The following AKT3 variants were observed in gnomAD, a reference collection of about 807,000 sequenced individuals.
The protein encoded by AKT3 is RAC-gamma serine/threonine-protein kinase.
In AKT3, 15 loss-of-function variants were observed where a neutral mutation model predicts 65.3. The observed-to-expected ratio is 0.23, with a 90% CI of 0.15 to 0.35. AKT3 has a LOEUF of 0.35. Ranked by LOEUF, AKT3 falls within the 10% of genes least tolerant of loss-of-function variation. AKT3 has a pLI of 1.00. For missense variants in AKT3, 243 were observed against 576.5 expected (o/e 0.42, Z 5.92); for synonymous variants, 206 against 183.8 (o/e 1.12, Z -0.98).
At chr1:243,637,508 T>A (rs538861367) in intron 6 of AKT3, 103 bp downstream of exon 6, 1 of 980,550 alleles carries the variant, frequency 1.0e-6, no homozygotes, top group East Asian at 2.8e-5. Flanking sequence ...ATATTTTGGT[T>A]GTTTAATGGA....
At chr1:243,680,234 C>T (rs1683820872) in intron 3 of AKT3, among the ~76,000 whole-genome samples, 1 of 152,082 alleles carries the variant, frequency 6.6e-6, no homozygotes, top group Admixed American at 6.6e-5. Flanking sequence ...TCCAAAAGGA[C>T]ACTGAGACTT....
chr1:243,500,466 G>C lies in AKT3; in HGVS notation c.*4783C>G, dbSNP rs1347652738. The C allele has an allele frequency of 4.4e-6, 1 of 225,964 alleles. No homozygotes were observed. The highest frequency in any genetic ancestry group is 6.4e-5 in the East Asian group (1 of 15,542). The allele number at this position is 225,964 out of a possible 1,614,324, so 14.0% of individuals were successfully genotyped here. Reference sequence around the variant, plus strand: ...CCTAAAAACGTACTTAGTGAAATTAGAAAATTTACTTAGAGTATATCAAAT... The same window carrying C: ...CCTAAAAACGTACTTAGTGAAATTACAAAATTTACTTAGAGTATATCAAAT... On this transcript the variant is annotated 3_prime_UTR_variant, in exon 14 of 14. Transcript: ENST00000673466.
At position 243,644,679 on chromosome 1, in the gene AKT3, TGA is replaced by T. The variant is rs886405736; in HGVS notation, c.429+1212_429+1213del. Among the ~76,000 whole-genome samples the T allele has an allele frequency of 3.4e-4, 52 of 152,134 alleles. 1 individual carries two copies. The highest frequency in any genetic ancestry group is 1.2e-3 in the African/African-American group (48 of 41,470). On this transcript the variant is annotated intron_variant, in intron 5 of 13. Transcript: ENST00000673466. ...TTCTCTTAGAATTTTTTACTCCAAC[TGA>T]GTCTCCAAAAAGAAAAATCCATAGA...
At chr1:243,686,651 ATTTTTTTTTTTTTTTT>A (rs143487611) in intron 3 of AKT3, among the ~76,000 whole-genome samples, 5 of 23,516 alleles carry the variant, frequency 2.1e-4, no homozygotes, top group Non-Finnish European at 3.0e-4. Context: ...ATATATATAT[ATTTTTTTTTTTTTTTT>A]TTTTTTTTTT....
chr1:243,715,398 C>T (rs538157881), intron 2 of AKT3, among the ~76,000 whole-genome samples: 9 of 152,094 alleles, frequency 5.9e-5, no homozygotes, highest in South Asian at 2.1e-4. Flanking sequence ...TTACAGTTTA[C>T]CAAATATTTT....
Position 243,582,993 on chromosome 1 carries a change from C to G in AKT3, c.697-9945G>C, listed in dbSNP as rs543604517. ...TCTGATAAAACAGACTTCAAACTAA[C>G]AGCAGTTAAAAAAAAAAAAGACAAA... On this transcript the variant is annotated intron_variant, in intron 8 of 13. Transcript: ENST00000673466. 1.6e-4 allele frequency among the ~76,000 whole-genome samples: 24 copies of G among 148,062 alleles called. No homozygotes were observed. In the South Asian group the frequency reaches 4.9e-3, roughly 30 times the overall value.
chr1:243,783,118 G>C (rs1353493166), intron 2 of AKT3, among the ~76,000 whole-genome samples: 1 of 152,098 alleles, frequency 6.6e-6, no homozygotes, highest in African/African-American at 2.4e-5. Context: ...TTTCTGGAGT[G>C]ACAAGAGTGT....
chr1:243,771,244 C>T (rs187397924), intron 2 of AKT3, among the ~76,000 whole-genome samples: 1 of 152,218 alleles, frequency 6.6e-6, no homozygotes, highest in African/African-American at 2.4e-5. Context: ...CCCACTCTTC[C>T]TACTACACAC....
intron 8 of AKT3, among the ~76,000 whole-genome samples, chr1:243,580,751 T>A (rs967962877): frequency 1.3e-5 from 2 of 152,180 alleles, no homozygotes; most frequent in African/African-American, 4.8e-5. Context: ...ACCCACTCTG[T>A]TCTCCTGAGA....
At chr1:243,600,358 T>TGCAAATTGGATAGC (rs1324114532) in intron 8 of AKT3, among the ~76,000 whole-genome samples, 2 of 152,054 alleles carry the variant, frequency 1.3e-5, no homozygotes, top group Non-Finnish European at 2.9e-5. Flanking sequence ...AAACCAAATT[T>TGCAAATTGGATAGC]AAAAAGAATA....
At chr1:243,565,595 T>C (rs1437731117) in intron 9 of AKT3, among the ~76,000 whole-genome samples, 1 of 152,198 alleles carries the variant, frequency 6.6e-6, no homozygotes, top group Non-Finnish European at 1.5e-5. Context: ...AGCCAGAACC[T>C]AGAAACCAAA....
At chr1:243,585,188 G>T (rs918537804) in intron 8 of AKT3, among the ~76,000 whole-genome samples, 1 of 152,026 alleles carries the variant, frequency 6.6e-6, no homozygotes, top group African/African-American at 2.4e-5. Context: ...GAAGGTAAAA[G>T]ATCATTACAA....
At chr1:243,831,020 G>C (rs1382143280) in intron 2 of AKT3, among the ~76,000 whole-genome samples, 2 of 152,114 alleles carry the variant, frequency 1.3e-5, no homozygotes, top group African/African-American at 4.8e-5. Flanking sequence ...TGAACATTAG[G>C]CTGCTTTCAT....
intron 12 of AKT3, among the ~76,000 whole-genome samples, chr1:243,541,588 A>T (rs188219376): frequency 5.9e-5 from 9 of 152,280 alleles, no homozygotes; most frequent in African/African-American, 1.7e-4. Flanking sequence ...TCTGGCTGCT[A>T]GATGTGCTCA....
chr1:243,751,835 T>G (rs895177542), intron 2 of AKT3, among the ~76,000 whole-genome samples: 3 of 152,190 alleles, frequency 2.0e-5, no homozygotes, highest in African/African-American at 7.2e-5. Flanking sequence ...AGTTCTTCGG[T>G]ATCAAGAGAG....
chr1:243,814,222 A>G (rs1693370526), intron 2 of AKT3, among the ~76,000 whole-genome samples: 1 of 152,230 alleles, frequency 6.6e-6, no homozygotes, highest in Non-Finnish European at 1.5e-5. Context: ...TAAAAGGGAA[A>G]GTAATATTCT....
chr1:243,812,940 G>A (rs1400238459), intron 2 of AKT3, among the ~76,000 whole-genome samples: 2 of 146,796 alleles, frequency 1.4e-5, no homozygotes, highest in African/African-American at 5.1e-5. Context: ...AACATCGCAT[G>A]TTCTCACTCA....
At chr1:243,840,345 G>C (rs374614120) in intron 2 of AKT3, among the ~76,000 whole-genome samples, 7 of 151,780 alleles carry the variant, frequency 4.6e-5, no homozygotes, top group East Asian at 1.9e-4. Flanking sequence ...ACACACCAGG[G>C]CCTGCTGGGG....
At chr1:243,763,190 G>C (rs1305573888) in intron 2 of AKT3, among the ~76,000 whole-genome samples, 1 of 151,990 alleles carries the variant, frequency 6.6e-6, no homozygotes, top group African/African-American at 2.4e-5. Flanking sequence ...CTACTCAGTA[G>C]AATTTTTGTT....
Sources: allele counts gnomAD v4.1 joint callset (sites outside exome capture counted in the v4.1 genomes callset), GRCh38; gene constraint gnomAD v4.1.1; transcripts MANE v1.5; gene names NCBI Gene and HGNC (gene_info 2026-07-23, HGNC 2026-07-21).